The following PTGFRN variants were observed in gnomAD, a reference collection of about 807,000 sequenced individuals.
PTGFRN encodes the protein prostaglandin F2 receptor inhibitor.
A neutral mutation model predicts 83.2 loss-of-function variants in PTGFRN; 35 were observed. The ratio of observed to expected loss-of-function variants is 0.42; its 90% CI spans 0.32 to 0.56. The LOEUF (loss-of-function observed/expected upper bound fraction) is 0.56. PTGFRN is among the 20% of genes least tolerant of loss of function. The probability of loss-of-function intolerance (pLI) is 0.11; values close to 1 mark genes in which losing one functional copy is unlikely to be tolerated. For synonymous variants in PTGFRN, 519 were observed against 498.6 expected (o/e 1.04, Z -0.55); for missense variants, 1,051 against 1,179.5 (o/e 0.89, Z 1.60).
chr1:116,925,240 C>CA (rs1649623505), intron 1 of PTGFRN, among the ~76,000 whole-genome samples: 1 of 151,972 alleles, frequency 6.6e-6, no homozygotes, highest in Non-Finnish European at 1.5e-5. Context: ...CCACCCTGGC[C>CA]AACATGGTGA....
chr1:116,974,387 G>C (rs7543662), intron 7 of PTGFRN, 64 bp downstream of exon 7: 2 of 1,260,568 alleles, frequency 1.6e-6, no homozygotes. Flanking sequence ...CATATCATCC[G>C]CACTGTGTTA....
intron 7 of PTGFRN, among the ~76,000 whole-genome samples, chr1:116,983,984 T>C (rs1570682554): frequency 6.6e-6 from 1 of 152,222 alleles, no homozygotes; most frequent in South Asian, 2.1e-4. Context: ...CCCATATTAA[T>C]TTATTTGAGG....
chr1:116,949,678 T>C, intron 4 of PTGFRN, 106 bp downstream of exon 4: 1 of 1,433,794 alleles, frequency 7.0e-7, no homozygotes, highest in Non-Finnish European at 9.3e-7. Flanking sequence ...GACTTCGACA[T>C]TATTTCTATT....
intron 7 of PTGFRN, among the ~76,000 whole-genome samples, chr1:116,981,952 A>C (rs1249130016): frequency 6.6e-6 from 1 of 152,178 alleles, no homozygotes; most frequent in East Asian, 1.9e-4. Flanking sequence ...GAGATGTTAG[A>C]AAAGGAAAAG....
chr1:116,956,627 G>A (rs537502724), intron 4 of PTGFRN, among the ~76,000 whole-genome samples: 1 of 152,348 alleles, frequency 6.6e-6, no homozygotes, highest in South Asian at 2.1e-4. Context: ...AGTTGAGAAG[G>A]CAGTGGGTGC....
chr1:116,959,539 A>G (rs917470886), intron 4 of PTGFRN, among the ~76,000 whole-genome samples: 19 of 152,256 alleles, frequency 1.2e-4, no homozygotes, highest in African/African-American at 4.3e-4. Flanking sequence ...TGTAATCTGT[A>G]TGTCATAAAT....
rs1408988526 is a variant in PTGFRN, at chr1:116,986,936, G to A, written c.2609G>A (p.Arg870His). 11 of 1,614,120 alleles carry A rather than the reference G, an allele frequency of 6.8e-6. No individual in the cohort carries two copies. The highest frequency in any genetic ancestry group is 2.2e-5 in the East Asian group (1 of 44,904). ...GAGGTTCAGGAGACACGGCGCGAGC[G>A]CCGCAGGCTCATGTCGATGGAGATG... ...KKEVQETRRE[R>H]RRLMSMEMD The change falls in exon 9 of 9, where the codon CGC (arginine) becomes CAC (histidine). Residue 870 changes from arginine to histidine, a missense_variant. Physicochemically the swap from Arg to His is conservative, Grantham distance 29. Transcript: ENST00000393203.
chr1:116,972,809 A>G (rs907309374), intron 6 of PTGFRN, among the ~76,000 whole-genome samples: 3 of 152,258 alleles, frequency 2.0e-5, no homozygotes, highest in African/African-American at 7.2e-5. Context: ...GCTGAAAGCT[A>G]TGGAATGTTC....
At chr1:116,913,841 A>G (rs1649335305) in intron 1 of PTGFRN, among the ~76,000 whole-genome samples, 1 of 152,204 alleles carries the variant, frequency 6.6e-6, no homozygotes, top group South Asian at 2.1e-4. Flanking sequence ...ACCCTCAACT[A>G]GTGCAACATA....
chr1:116,960,054 A>G (rs771195462), intron 4 of PTGFRN, among the ~76,000 whole-genome samples: 1 of 152,212 alleles, frequency 6.6e-6, no homozygotes, highest in Non-Finnish European at 1.5e-5. Flanking sequence ...CTGAGTGCCT[A>G]CTGCATAAAA....
chr1:116,928,558 C>CT (rs1477892301), intron 1 of PTGFRN, among the ~76,000 whole-genome samples: 3 of 152,172 alleles, frequency 2.0e-5, no homozygotes, highest in Admixed American at 1.3e-4. Flanking sequence ...TAAGCCTGAA[C>CT]TTTATTATCT....
chr1:116,936,555 G>A (rs1649924807), intron 1 of PTGFRN, among the ~76,000 whole-genome samples: 1 of 152,234 alleles, frequency 6.6e-6, no homozygotes, highest in Non-Finnish European at 1.5e-5. Flanking sequence ...CACAGAGGAG[G>A]TGGTGCTGCA....
intron 4 of PTGFRN, among the ~76,000 whole-genome samples, chr1:116,957,807 C>T (rs1020343651): frequency 6.6e-6 from 1 of 151,952 alleles, no homozygotes; most frequent in Non-Finnish European, 1.5e-5. Context: ...CACCACTTTA[C>T]TCTCTGTTTC....
At chr1:116,965,078 CAT>C (rs937451940) in intron 5 of PTGFRN, among the ~76,000 whole-genome samples, 7 of 152,148 alleles carry the variant, frequency 4.6e-5, no homozygotes, top group African/African-American at 1.4e-4. Context: ...CAACTGGTCA[CAT>C]TACCTTCTGG....
At chr1:116,947,882 G>A (rs1650241342) in intron 3 of PTGFRN, among the ~76,000 whole-genome samples, 1 of 152,206 alleles carries the variant, frequency 6.6e-6, no homozygotes, top group Non-Finnish European at 1.5e-5. Flanking sequence ...TAGGTGGAAG[G>A]AGAAATTGAA....
chr1:116,964,809 T>A (rs376213518), intron 5 of PTGFRN, among the ~76,000 whole-genome samples: 142 of 152,348 alleles, frequency 9.3e-4, no homozygotes, highest in African/African-American at 3.2e-3. Flanking sequence ...AAAACCTTCA[T>A]CCTTGACTGC....
intron 5 of PTGFRN, among the ~76,000 whole-genome samples, chr1:116,963,802 T>C (rs1650742172): frequency 6.6e-6 from 1 of 151,666 alleles, no homozygotes; most frequent in South Asian, 2.1e-4. Flanking sequence ...GACAGGGTCT[T>C]GCTCTGTTAC....
chr1:116,982,120 A>G (rs1651337798), intron 7 of PTGFRN, among the ~76,000 whole-genome samples: 1 of 152,198 alleles, frequency 6.6e-6, no homozygotes, highest in Admixed American at 6.5e-5. Flanking sequence ...ACCGGGGAAA[A>G]GGGAGGAAAA....
chr1:116,950,003 T>A (rs993649569), intron 4 of PTGFRN, among the ~76,000 whole-genome samples: 1 of 146,046 alleles, frequency 6.8e-6, no homozygotes, highest in Non-Finnish European at 1.5e-5. Flanking sequence ...TTAGAAAGCA[T>A]TTTTTTTTTC....
Sources: allele counts gnomAD v4.1 joint callset (sites outside exome capture counted in the v4.1 genomes callset), GRCh38; gene constraint gnomAD v4.1.1; transcripts MANE v1.5; gene names NCBI Gene and HGNC (gene_info 2026-07-23, HGNC 2026-07-21).